KIR2DL3: variants seen among roughly 807,000 people sequenced by gnomAD.
The protein encoded by KIR2DL3 is killer cell immunoglobulin like receptor, two Ig domains and long cytoplasmic tail 3.
Under a neutral mutation model 33.8 loss-of-function variants are expected in KIR2DL3, and 39 were observed. The observed-to-expected ratio is 1.15, with a 90% CI of 0.89 to 1.51. The LOEUF is 1.51. Ranked by LOEUF, KIR2DL3 falls within the 40% of genes most tolerant of loss-of-function variation. The probability of loss-of-function intolerance (pLI) is 0.00; values close to 1 mark genes in which losing one functional copy is unlikely to be tolerated. For missense variants in KIR2DL3, 462 were observed against 426.2 expected, an observed-to-expected ratio of 1.08 and a Z score of -0.74; for synonymous variants, 174 against 160.2, an observed-to-expected ratio of 1.09 and a Z score of -0.65.
chr19:54,745,573 G>A (rs1246263322), intron 4 of KIR2DL3, among the ~76,000 whole-genome samples: 3 of 150,536 alleles, frequency 2.0e-5, no homozygotes, highest in African/African-American at 7.3e-5. Context: ...CATGTTGGCT[G>A]GGCTGCTCTC....
intron 6 of KIR2DL3, 55 bp downstream of exon 6, chr19:54,751,808 T>C: frequency 1.5e-6 from 2 of 1,318,278 alleles, no homozygotes; most frequent in Middle Eastern, 2.2e-4. Flanking sequence ...GGAAGCAGGA[T>C]GGGAGCACTC....
chr19:54,741,236 G>A (rs2147012210), intron 2 of KIR2DL3, among the ~76,000 whole-genome samples: 1 of 151,678 alleles, frequency 6.6e-6, no homozygotes, highest in African/African-American at 2.4e-5. Context: ...CGACTCAGGA[G>A]GCTGAGGGCA....
intron 1 of KIR2DL3, among the ~76,000 whole-genome samples, 175 bp downstream of exon 1, chr19:54,738,754 AGG>A (rs1409324208): frequency 3.2e-4 from 41 of 129,378 alleles, no homozygotes; most frequent in South Asian, 2.5e-4. Context: ...ATGGGCCTGG[AGG>A]TTGAGATATG....
At chr19:54,742,329 T>C (rs2071328005) in intron 3 of KIR2DL3, 50 bp downstream of exon 3, 4 of 1,605,080 alleles carry the variant, frequency 2.5e-6, no homozygotes, top group East Asian at 2.2e-5. Flanking sequence ...GAGTGAATGA[T>C]CCACGACTTG....
intron 5 of KIR2DL3, among the ~76,000 whole-genome samples, chr19:54,747,820 A>G (rs1198036402): frequency 6.6e-6 from 1 of 152,062 alleles, no homozygotes; most frequent in Non-Finnish European, 1.5e-5. Context: ...GCAGAGCAAC[A>G]GCCTTGCCGT....
intron 6 of KIR2DL3, 138 bp from the exon 7 acceptor site, chr19:54,752,078 A>G (rs1398344231): frequency 1.0e-6 from 1 of 986,650 alleles, no homozygotes; most frequent in African/African-American, 1.8e-5. Context: ...GCTCAGAGAG[A>G]TAGAATGTCT....
intron 6 of KIR2DL3, among the ~76,000 whole-genome samples, 185 bp downstream of exon 6, chr19:54,751,938 T>C (rs1401171857): frequency 2.2e-5 from 3 of 133,714 alleles, no homozygotes; most frequent in African/African-American, 8.4e-5. Context: ...GACCATTGCC[T>C]GATTCTGAAC....
rs1457636695 is a variant in KIR2DL3 at position 54,747,375 on chromosome 19, C to A, written c.705C>A (p.Ser235Arg). Residue 235 changes from serine (S) to arginine (R), a missense_variant, in exon 5 of 8, where the codon AGC becomes AGA. By Grantham distance (110) the Ser-to-Arg change is moderately radical. Transcript: ENST00000342376. ...GTTGGCCTTCACCCACTGAACCAAG[C>A]TCCGAAACCGGTGAGTACAGAACCC... is the stretch of plus-strand genomic sequence containing the variant. ...SNSWPSPTEPSSETGNPRHLH... is the reference protein window; with the variant it reads ...SNSWPSPTEPRSETGNPRHLH... 9 of 1,611,326 alleles carry A rather than the reference C, an allele frequency of 5.6e-6. No homozygotes were observed. In the African/African-American group the frequency reaches 1.1e-4, roughly 19 times the overall value.
At chr19:54,739,813 TACTC>T in intron 2 of KIR2DL3, among the ~76,000 whole-genome samples, 1 of 151,204 alleles carries the variant, frequency 6.6e-6, no homozygotes, top group South Asian at 2.1e-4. Flanking sequence ...ACAAAGGTGT[TACTC>T]ACACACTTCA....
chr19:54,748,140 C>G (rs1012096980), intron 5 of KIR2DL3, among the ~76,000 whole-genome samples: 2 of 149,982 alleles, frequency 1.3e-5, no homozygotes, highest in African/African-American at 4.9e-5. Flanking sequence ...CTCCTGTTCC[C>G]CTTCCTCCTT....
chr19:54,751,694 T>C lies in KIR2DL3; in HGVS notation c.761T>C (p.Ile254Thr). Residue 254 changes from isoleucine to threonine, a missense_variant, in exon 6 of 8, where the codon ATC becomes ACC. Physicochemically the swap from Ile to Thr is moderately conservative, Grantham distance 89. Transcript: ENST00000342376. ...LHVLIGTSVVIILFILLLFFL... is the reference protein window; with the variant it reads ...LHVLIGTSVVTILFILLLFFL... ...GTTCTGATTGGGACCTCAGTGGTCA[T>C]CATCCTCTTCATCCTCCTCCTCTTC... 7.1e-7 allele frequency: 1 copy of C among 1,413,336 alleles called. No individual in the cohort carries two copies. Among genetic ancestry groups the C allele is most frequent in the East Asian group, 2.3e-5 (1 of 43,588 alleles). 87.5% of individuals were successfully genotyped at this position (1,413,336 alleles called of 1,614,324 possible). A position where few individuals can be genotyped will look rare whatever the true frequency, so the allele number is the denominator to read the frequency against.
At chr19:54,743,307 T>G (rs1225195712) in intron 3 of KIR2DL3, among the ~76,000 whole-genome samples, 3 of 151,846 alleles carry the variant, frequency 2.0e-5, no homozygotes, top group South Asian at 2.1e-4. Context: ...ACAGAAATCA[T>G]AGAGAGAGAG....
In KIR2DL3 at chr19:54,751,613, T is replaced by C. The variant is rs772508067; in HGVS notation, c.716-36T>C. On this transcript the variant is annotated intron_variant, in intron 5 of 7. Coordinates refer to ENST00000342376, the MANE Select transcript of KIR2DL3 (RefSeq NM_015868.3). ...GACAATTCATAAAGAGGAACTGCTA[T>C]GATTAGCTTCTTATTGGTGTCTCCT... 10 of 1,429,022 alleles carry C rather than the reference T, an allele frequency of 7.0e-6. No homozygotes were observed. In the East Asian group the frequency reaches 9.1e-5, roughly 13 times the overall value. 88.5% of individuals were successfully genotyped at this position (1,429,022 alleles called of 1,614,324 possible). A position where few individuals can be genotyped will look rare whatever the true frequency, so the allele number is the denominator to read the frequency against.
intron 5 of KIR2DL3, among the ~76,000 whole-genome samples, chr19:54,749,378 T>C (rs1472898466): frequency 1.5e-5 from 2 of 136,346 alleles, no homozygotes; most frequent in Non-Finnish European, 3.3e-5. Flanking sequence ...ACTGGTGAAA[T>C]GTGGTGCTGA....
intron 5 of KIR2DL3, among the ~76,000 whole-genome samples, chr19:54,748,323 C>T (rs1600428011): frequency 3.3e-5 from 5 of 150,788 alleles, no homozygotes; most frequent in African/African-American, 7.3e-5. Flanking sequence ...TGGAAATCAT[C>T]CAGGATACCC....
chr19:54,740,283 G>A (rs1404222099), intron 2 of KIR2DL3, among the ~76,000 whole-genome samples: 2 of 152,006 alleles, frequency 1.3e-5, no homozygotes, highest in South Asian at 2.1e-4. Context: ...GTCAGGACAA[G>A]CCCTTGCTGT....
In KIR2DL3 at chr19:54,751,635, T is replaced by G; in HGVS notation, c.716-14T>G. Reference sequence around the variant, plus strand: ...CTATGATTAGCTTCTTATTGGTGTCTCCTCTTCTTCCAGGTAACCCCAGAC... The same window carrying G: ...CTATGATTAGCTTCTTATTGGTGTCGCCTCTTCTTCCAGGTAACCCCAGAC... On this transcript the variant is annotated splice_polypyrimidine_tract_variant and intron_variant, in intron 5 of 7. Transcript: ENST00000342376. 2 of 1,482,330 alleles carry G rather than the reference T, an allele frequency of 1.3e-6. 1 individual carries two copies. Among genetic ancestry groups the G allele is most frequent in the East Asian group, 4.5e-5 (2 of 44,248 alleles). 91.8% of individuals were successfully genotyped at this position (1,482,330 alleles called of 1,614,324 possible). A position where few individuals can be genotyped will look rare whatever the true frequency, so the allele number is the denominator to read the frequency against.
intron 4 of KIR2DL3, among the ~76,000 whole-genome samples, 184 bp from the exon 5 acceptor site, chr19:54,747,151 T>G (rs1175428817): frequency 4.1e-5 from 6 of 147,032 alleles, no homozygotes; most frequent in Non-Finnish European, 7.5e-5. Context: ...CTGTTTTCTC[T>G]TTATACCTTG....
intron 4 of KIR2DL3, among the ~76,000 whole-genome samples, chr19:54,744,938 ATATATATATATATATATTTTT>A (rs1291038381): frequency 4.5e-4 from 10 of 22,148 alleles, no homozygotes; most frequent in Non-Finnish European, 7.2e-4. Flanking sequence ...ATATATATAT[ATATATATATATATATATTTTT>A]TTTTTTTTTT....
Sources: gnomAD v4.1 joint callset for allele counts (sites outside exome capture counted in the v4.1 genomes callset) on GRCh38, gnomAD v4.1.1 for gene constraint, MANE v1.5 for transcripts, NCBI Gene and HGNC (gene_info 2026-07-23, HGNC 2026-07-21) for gene names.